CRADD: variants seen among roughly 807,000 people sequenced by gnomAD.
The protein encoded by CRADD is CARD and death domain containing adaptor protein, also known as death domain-containing protein CRADD.
A neutral mutation model predicts 15.5 loss-of-function variants in CRADD; 9 were observed. The observed-to-expected ratio is 0.58, with a 90% CI of 0.35 to 1.01. CRADD has a LOEUF of 1.01. CRADD is among the 50% of genes least tolerant of loss of function. The pLI, the probability that CRADD is intolerant of heterozygous loss-of-function variation, is 0.02. For missense variants in CRADD, 227 were observed against 250.3 expected (o/e 0.91, Z 0.63); for synonymous variants, 118 against 107.6 (o/e 1.10, Z -0.60).
rs139298991 is a variant in CRADD at position 93,760,374 on chromosome 12, T to A, written c.298+81302T>A. On this transcript the variant is annotated intron_variant, in intron 2 of 2. Transcript: ENST00000332896. ...TCAGCCATGTTTTTAGGAGTTTGACTAATAAATCCAGAAGGCTTATTATTT... is the reference window on the plus strand; with the variant it reads ...TCAGCCATGTTTTTAGGAGTTTGACAAATAAATCCAGAAGGCTTATTATTT... Among the ~76,000 whole-genome samples, 23 of 152,314 alleles carry A rather than the reference T, an allele frequency of 1.5e-4. No homozygotes were observed. The East Asian group carries it at 4.4e-3, about 29-fold the overall frequency.
At chr12:93,691,378 C>T (rs758916403) in intron 2 of CRADD, among the ~76,000 whole-genome samples, 3 of 151,916 alleles carry the variant, frequency 2.0e-5, no homozygotes, top group Non-Finnish European at 4.4e-5. Flanking sequence ...CTCAGCCTTC[C>T]GAGTAGCTGG....
chr12:93,800,421 G>A lies in CRADD; in HGVS notation c.299-49549G>A, dbSNP rs2131723. 5.0e-3 allele frequency among the ~76,000 whole-genome samples: 755 copies of A among 152,238 alleles called. 6 individuals carry two copies. Among genetic ancestry groups the A allele is most frequent in the African/African-American group, 0.017 (708 of 41,550 alleles). ...GGCAAGTGATATGGTTTGATTCTGT[G>A]TCTCCATCCAAATCTCATCTCGAAT... is the stretch of plus-strand genomic sequence containing the variant. On this transcript the variant is annotated intron_variant, in intron 2 of 2. Transcript: ENST00000332896.
chr12:93,819,709 A>C (rs558999026), intron 2 of CRADD, among the ~76,000 whole-genome samples: 42 of 152,386 alleles, frequency 2.8e-4, no homozygotes, highest in African/African-American at 9.4e-4. Context: ...AGTACTTGTT[A>C]CTTGGTGTGC....
intron 2 of CRADD, among the ~76,000 whole-genome samples, chr12:93,742,782 C>T (rs1202880879): frequency 6.6e-6 from 1 of 152,126 alleles, no homozygotes; most frequent in African/African-American, 2.4e-5. Context: ...CCGGCAATTT[C>T]TTGTTGTGTC....
intron 2 of CRADD, among the ~76,000 whole-genome samples, chr12:93,840,334 A>AT (rs1422855478): frequency 6.6e-6 from 1 of 151,950 alleles, no homozygotes; most frequent in Non-Finnish European, 1.5e-5. Flanking sequence ...TGCTTATTGT[A>AT]TTTTTATTAT....
At chr12:93,837,873 A>C (rs1957992518) in intron 2 of CRADD, 1 of 152,202 alleles carries the variant, frequency 6.6e-6, no homozygotes, top group Admixed American at 6.5e-5. Flanking sequence ...AGCAGATTCA[A>C]ATTTATACTA....
intron 2 of CRADD, among the ~76,000 whole-genome samples, chr12:93,819,108 A>G (rs1390509415): frequency 6.6e-6 from 1 of 152,280 alleles, no homozygotes; most frequent in Non-Finnish European, 1.5e-5. Flanking sequence ...CATGTCACCC[A>G]TGTGGGCAGG....
chr12:93,772,001 G>A (rs1218914388), intron 2 of CRADD, among the ~76,000 whole-genome samples: 1 of 152,184 alleles, frequency 6.6e-6, no homozygotes, highest in African/African-American at 2.4e-5. Context: ...CAAGTTGAAT[G>A]TATGCTTTAT....
intron 2 of CRADD, among the ~76,000 whole-genome samples, chr12:93,760,991 A>G (rs970991867): frequency 6.6e-6 from 1 of 151,914 alleles, no homozygotes; most frequent in African/African-American, 2.4e-5. Context: ...GGCATGTGAG[A>G]TAGGGAGAGG....
intron 2 of CRADD, among the ~76,000 whole-genome samples, chr12:93,807,931 A>G (rs921359571): frequency 6.7e-6 from 1 of 149,996 alleles, no homozygotes; most frequent in Non-Finnish European, 1.5e-5. Flanking sequence ...GGCAATAAGC[A>G]TTATAAATAA....
intron 2 of CRADD, among the ~76,000 whole-genome samples, chr12:93,870,271 A>G (rs886631745): frequency 9.2e-5 from 14 of 152,206 alleles, no homozygotes; most frequent in Non-Finnish European, 4.4e-5. Flanking sequence ...ATTCAAGAAA[A>G]TCTGCTAAAT....
intron 2 of CRADD, among the ~76,000 whole-genome samples, chr12:93,811,813 T>C (rs1480534378): frequency 7.9e-5 from 12 of 152,228 alleles, no homozygotes; most frequent in Non-Finnish European, 1.2e-4. Flanking sequence ...TGAAAACTTA[T>C]GTCCACACAA....
At chr12:93,855,645 T>C (rs1958267149), downstream of CRADD, among the ~76,000 whole-genome samples, 1 of 152,170 alleles carries the variant, frequency 6.6e-6, no homozygotes, top group Admixed American at 6.5e-5. Context: ...GGCAAGTTAC[T>C]CCACCTCTGG....
intron 2 of CRADD, among the ~76,000 whole-genome samples, chr12:93,716,582 G>A (rs540373323): frequency 3.9e-5 from 6 of 152,120 alleles, no homozygotes; most frequent in South Asian, 4.1e-4. Context: ...TTTTACTATC[G>A]CCATAGTTTT....
chr12:93,748,411 T>C (rs773422866), intron 2 of CRADD, among the ~76,000 whole-genome samples: 14 of 53,020 alleles, frequency 2.6e-4, no homozygotes, highest in Non-Finnish European at 5.8e-4. Context: ...GTTCAGGCGA[T>C]TCCCCCCTGC....
chr12:93,697,549 G>A (rs927493329), intron 2 of CRADD, among the ~76,000 whole-genome samples: 3 of 152,110 alleles, frequency 2.0e-5, no homozygotes, highest in African/African-American at 7.2e-5. Context: ...AAAACATCAT[G>A]TTATACACGA....
chr12:93,814,711 C>T (rs1957671705), intron 2 of CRADD, among the ~76,000 whole-genome samples: 1 of 152,202 alleles, frequency 6.6e-6, no homozygotes, highest in Non-Finnish European at 1.5e-5. Context: ...TCTGAGCCTC[C>T]AGGCCTCCTT....
rs1232689791 is a variant in CRADD, at chr12:93,738,226, CGAA to C, written c.298+59158_298+59160del. ...GTTAGAGGAAAAAGGAAGGACTGGC[CGAA>C]GAATGGGGTGGGGAGCTGGAGAAGA... On this transcript the variant is annotated intron_variant, in intron 2 of 2. Coordinates refer to ENST00000332896, the MANE Select transcript of CRADD (RefSeq NM_003805.5). The C allele has an allele frequency of 1.6e-5, 10 of 620,282 alleles. No individual in the cohort carries two copies. In the East Asian group the frequency reaches 2.2e-4, roughly 14 times the overall value. 38.4% of individuals were successfully genotyped at this position (620,282 alleles called of 1,614,324 possible). A position where few individuals can be genotyped will look rare whatever the true frequency, so the allele number is the denominator to read the frequency against.
intron 2 of CRADD, among the ~76,000 whole-genome samples, chr12:93,705,737 A>T (rs1955934590): frequency 6.6e-6 from 1 of 152,258 alleles, no homozygotes; most frequent in Non-Finnish European, 1.5e-5. Context: ...TAAACGAAAA[A>T]AAACATGATT....
Sources: gnomAD v4.1 joint callset for allele counts (sites outside exome capture counted in the v4.1 genomes callset) on GRCh38, gnomAD v4.1.1 for gene constraint, MANE v1.5 for transcripts, NCBI Gene and HGNC (gene_info 2026-07-23, HGNC 2026-07-21) for gene names.